PPP1R3B: variants seen among roughly 807,000 people sequenced by gnomAD.
PPP1R3B encodes protein phosphatase 1 regulatory subunit 3B, also known as PP1 subunit R4.
Under a neutral mutation model 14.6 loss-of-function variants are expected in PPP1R3B, and 8 were observed. The ratio of observed to expected loss-of-function variants is 0.55; its 90% CI spans 0.32 to 0.99. PPP1R3B has a LOEUF of 0.99. Among genes scored for constraint, PPP1R3B ranks in the 50% least tolerant of loss-of-function variants. The pLI, the probability that PPP1R3B is intolerant of heterozygous loss-of-function variation, is 0.04. For missense variants in PPP1R3B, 452 were observed against 360.1 expected (o/e 1.26, Z -2.07); for synonymous variants, 169 against 142.0 (o/e 1.19, Z -1.35).
rs1483570462 is a variant in PPP1R3B at position 9,137,685 on chromosome 8, A to T, written c.*3109T>A. On this transcript the variant is annotated 3_prime_UTR_variant, in exon 2 of 2. Transcript: ENST00000310455. Reference sequence around the variant, plus strand: ...GGTAAACAGAAGACAGATAGAAGGCAGTATTCTTCAGACCCCCATACATCA... The same window carrying T: ...GGTAAACAGAAGACAGATAGAAGGCTGTATTCTTCAGACCCCCATACATCA... 2 of 152,328 alleles carry T rather than the reference A, an allele frequency of 1.3e-5. No homozygotes were observed. The highest frequency in any genetic ancestry group is 2.9e-5 in the Non-Finnish European group (2 of 68,108). 9.4% of individuals were successfully genotyped at this position (152,328 alleles called of 1,614,324 possible).
chr8:9,141,499 G>A lies in PPP1R3B; in HGVS notation c.153C>T (p.Ala51=), dbSNP rs752611010. Residue 51 remains alanine (A), a synonymous_variant, in exon 2 of 2, where the codon GCC becomes GCT. Coordinates refer to ENST00000310455, the MANE Select transcript of PPP1R3B (RefSeq NM_024607.4). Reference sequence around the variant, plus strand: ...TCACCTTCTTCTCCTGGACAGCCGGGGCCACCATTCCACTGGCTTCATTCT... The same window carrying A: ...TCACCTTCTTCTCCTGGACAGCCGGAGCCACCATTCCACTGGCTTCATTCT... The part of the protein sequence containing the change: ...SSKNEASGMV[A]PAVQEKKVKK... The A allele has an allele frequency of 6.2e-7, 1 of 1,614,092 alleles. No homozygotes were observed. Among genetic ancestry groups the A allele is most frequent in the Admixed American group, 1.7e-5 (1 of 60,010 alleles).
intron 1 of PPP1R3B, among the ~76,000 whole-genome samples, chr8:9,142,120 T>G (rs958477406): frequency 2.0e-5 from 3 of 152,198 alleles, no homozygotes; most frequent in Non-Finnish European, 2.9e-5. Flanking sequence ...TTTTTAGAGA[T>G]AGGGTGTTGC....
intron 1 of PPP1R3B, among the ~76,000 whole-genome samples, chr8:9,149,222 C>T (rs1376547931): frequency 1.4e-5 from 2 of 140,692 alleles, no homozygotes; most frequent in Non-Finnish European, 3.0e-5. Context: ...AAAAAAAGGC[C>T]GGGCGTGGTG....
At chr8:9,148,284 C>T (rs540500251) in intron 1 of PPP1R3B, among the ~76,000 whole-genome samples, 18 of 152,300 alleles carry the variant, frequency 1.2e-4, no homozygotes, top group African/African-American at 4.3e-4. Context: ...ACACAGGAAG[C>T]ACCAGGCTGC....
chr8:9,147,572 GATCA>G (rs899377631), intron 1 of PPP1R3B, among the ~76,000 whole-genome samples: 1 of 151,972 alleles, frequency 6.6e-6, no homozygotes, highest in Non-Finnish European at 1.5e-5. Flanking sequence ...AAAGCAAAAG[GATCA>G]ATCAAAGAAT....
chr8:9,140,015 T>C lies in PPP1R3B; in HGVS notation c.*779A>G, dbSNP rs1801018928. 1 of 152,256 alleles carries C rather than the reference T, an allele frequency of 6.6e-6. No individual in the cohort carries two copies. Among genetic ancestry groups the C allele is most frequent in the South Asian group, 2.1e-4 (1 of 4,830 alleles). The allele number at this position is 152,256 out of a possible 1,614,324, so 9.4% of individuals were successfully genotyped here. A position where few individuals can be genotyped will look rare whatever the true frequency, so the allele number is the denominator to read the frequency against. On this transcript the variant is annotated 3_prime_UTR_variant, in exon 2 of 2. Transcript: ENST00000310455. ...AGCTGAAAGTGTCCCCACTCTTGAC[T>C]GTCCTGCCTTGTCAGAACCCTGCAA...
chr8:9,139,705 C>CGCCTGGCTAATTTTTTTGTATT lies in PPP1R3B; in HGVS notation c.*1067_*1088dup, dbSNP rs1437532653. 1 of 152,166 alleles carries CGCCTGGCTAATTTTTTTGTATT rather than the reference C, an allele frequency of 6.6e-6. No homozygotes were observed. Among genetic ancestry groups the CGCCTGGCTAATTTTTTTGTATT allele is most frequent in the African/African-American group, 2.4e-5 (1 of 41,428 alleles). 9.4% of individuals were successfully genotyped at this position (152,166 alleles called of 1,614,324 possible). Reference sequence around the variant, plus strand: ...CTGGGACTACAGGCGCCCGCCACCACGCCTGGCTAATTTTTTTGTATTTTT... The same window carrying CGCCTGGCTAATTTTTTTGTATT: ...CTGGGACTACAGGCGCCCGCCACCACGCCTGGCTAATTTTTTTGTATTGCCTGGCTAATTTTTTTGTATTTTT... On this transcript the variant is annotated 3_prime_UTR_variant, in exon 2 of 2. Transcript: ENST00000310455.
At position 9,138,455 on chromosome 8, in the gene PPP1R3B, A is replaced by G. The variant is rs976199797; in HGVS notation, c.*2339T>C. The G allele has an allele frequency of 5.9e-5, 9 of 152,252 alleles. No individual in the cohort carries two copies. The highest frequency in any genetic ancestry group is 2.2e-4 in the African/African-American group (9 of 41,462). 9.4% of individuals were successfully genotyped at this position (152,252 alleles called of 1,614,324 possible). A position where few individuals can be genotyped will look rare whatever the true frequency, so the allele number is the denominator to read the frequency against. ...CATCGAATAGCCTTAAGAGCATTTA[A>G]AAAGTCAAGGCATCTTAAACTTCAG... On this transcript the variant is annotated 3_prime_UTR_variant, in exon 2 of 2. Transcript: ENST00000310455.
intron 1 of PPP1R3B, among the ~76,000 whole-genome samples, chr8:9,146,834 C>T (rs920858448): frequency 6.6e-6 from 1 of 151,862 alleles, no homozygotes; most frequent in Admixed American, 6.6e-5. Context: ...AGAGGTTCCA[C>T]GGATTGACTA....
chr8:9,139,071 C>T lies in PPP1R3B; in HGVS notation c.*1723G>A, dbSNP rs756221923. On this transcript the variant is annotated 3_prime_UTR_variant, in exon 2 of 2. Transcript: ENST00000310455. ...GTAGCTGGATTACAGGCGCCTGCCA[C>T]CACACTCAGCTAAATTTTGTATTTT... 2 of 152,252 alleles carry T rather than the reference C, an allele frequency of 1.3e-5. No homozygotes were observed. The highest frequency in any genetic ancestry group is 2.4e-5 in the African/African-American group (1 of 41,438). 9.4% of individuals were successfully genotyped at this position (152,252 alleles called of 1,614,324 possible). A position where few individuals can be genotyped will look rare whatever the true frequency, so the allele number is the denominator to read the frequency against.
At chr8:9,150,937 G>C (rs1186150279), upstream of PPP1R3B, among the ~76,000 whole-genome samples, 1 of 152,222 alleles carries the variant, frequency 6.6e-6, no homozygotes, top group African/African-American at 2.4e-5. Context: ...GAGACGAAGC[G>C]GCTTGTCCTT....
At chr8:9,143,905 TAC>T (rs1254626860) in intron 1 of PPP1R3B, among the ~76,000 whole-genome samples, 1 of 152,058 alleles carries the variant, frequency 6.6e-6, no homozygotes, top group Non-Finnish European at 1.5e-5. Flanking sequence ...AAAAAAAGAC[TAC>T]AGACAAACTG....
In PPP1R3B at chr8:9,138,921, C is replaced by A. The variant is rs931445512; in HGVS notation, c.*1873G>T. The A allele has an allele frequency of 2.0e-5, 3 of 152,100 alleles. No individual in the cohort carries two copies. The highest frequency in any genetic ancestry group is 4.8e-5 in the African/African-American group (2 of 41,378). 9.4% of individuals were successfully genotyped at this position (152,100 alleles called of 1,614,324 possible). On this transcript the variant is annotated 3_prime_UTR_variant, in exon 2 of 2. Coordinates refer to ENST00000310455, the MANE Select transcript of PPP1R3B (RefSeq NM_024607.4). ...GGGGCCTATCTGATAATGACTGTCCCGGAAGTCTCTCTTTTTTGAGACAGT... is the reference window on the plus strand; with the variant it reads ...GGGGCCTATCTGATAATGACTGTCCAGGAAGTCTCTCTTTTTTGAGACAGT...
chr8:9,137,529 T>C lies in PPP1R3B; in HGVS notation c.*3265A>G, dbSNP rs1316409719. 1 of 152,244 alleles carries C rather than the reference T, an allele frequency of 6.6e-6. No individual in the cohort carries two copies. The highest frequency in any genetic ancestry group is 1.5e-5 in the Non-Finnish European group (1 of 68,072). The allele number at this position is 152,244 out of a possible 1,614,324, so 9.4% of individuals were successfully genotyped here. A position where few individuals can be genotyped will look rare whatever the true frequency, so the allele number is the denominator to read the frequency against. On this transcript the variant is annotated 3_prime_UTR_variant, in exon 2 of 2. Coordinates refer to ENST00000310455, the MANE Select transcript of PPP1R3B (RefSeq NM_024607.4). ...CTCTGAAGTGTGTAGGCTTATCTACTGATGATGAGCTATCAAACAAGGAGA... is the reference window on the plus strand; with the variant it reads ...CTCTGAAGTGTGTAGGCTTATCTACCGATGATGAGCTATCAAACAAGGAGA...
rs1421779916 is a variant in PPP1R3B, at chr8:9,139,358, C to G, written c.*1436G>C. 1 of 152,186 alleles carries G rather than the reference C, an allele frequency of 6.6e-6. No individual in the cohort carries two copies. Among genetic ancestry groups the G allele is most frequent in the Non-Finnish European group, 1.5e-5 (1 of 68,024 alleles). 9.4% of individuals were successfully genotyped at this position (152,186 alleles called of 1,614,324 possible). On this transcript the variant is annotated 3_prime_UTR_variant, in exon 2 of 2. Transcript: ENST00000310455. ...TGGGTGAGGTTTTTCTCCCCTATCTCTTTACATACACACCATAAATAAGAA... is the reference window on the plus strand; with the variant it reads ...TGGGTGAGGTTTTTCTCCCCTATCTGTTTACATACACACCATAAATAAGAA...
chr8:9,146,140 A>G (rs1801233891), intron 1 of PPP1R3B, among the ~76,000 whole-genome samples: 1 of 152,232 alleles, frequency 6.6e-6, no homozygotes, highest in African/African-American at 2.4e-5. Flanking sequence ...AAATCTGAGC[A>G]CTTTTTATCA....
In PPP1R3B at chr8:9,141,399, G is replaced by T. The variant is rs753853607; in HGVS notation, c.253C>A (p.Pro85Thr). 6.2e-7 allele frequency: 1 copy of T among 1,614,168 alleles called. No individual in the cohort carries two copies. The highest frequency in any genetic ancestry group is 2.2e-5 in the East Asian group (1 of 44,880). Residue 85 changes from proline to threonine, a missense_variant, in exon 2 of 2, where the codon CCG becomes ACG. Physicochemically the swap from Pro to Thr is conservative, Grantham distance 38. Coordinates refer to ENST00000310455, the MANE Select transcript of PPP1R3B (RefSeq NM_024607.4). ...MVKVFSEFDDPLDMPFNITEL... is the reference protein window; with the variant it reads ...MVKVFSEFDDTLDMPFNITEL... ...GTGATGTTGAATGGCATATCTAGCG[G>T]GTCATCGAATTCCGAGAACACTTTG...
At chr8:9,148,418 T>G (rs956318860) in intron 1 of PPP1R3B, among the ~76,000 whole-genome samples, 1 of 152,238 alleles carries the variant, frequency 6.6e-6, no homozygotes, top group East Asian at 1.9e-4. Context: ...GTTATGGACA[T>G]ACATTTGAAC....
intron 1 of PPP1R3B, among the ~76,000 whole-genome samples, chr8:9,147,717 A>G (rs1801282553): frequency 6.6e-6 from 1 of 151,674 alleles, no homozygotes; most frequent in Non-Finnish European, 1.5e-5. Flanking sequence ...ATCCCTTTTT[A>G]TCACCAAGCT....
Sources: gnomAD v4.1 joint callset for allele counts (sites outside exome capture counted in the v4.1 genomes callset) on GRCh38, gnomAD v4.1.1 for gene constraint, MANE v1.5 for transcripts, NCBI Gene and HGNC (gene_info 2026-07-23, HGNC 2026-07-21) for gene names.